CFAP299: variants seen among roughly 807,000 people sequenced by gnomAD.
The protein encoded by CFAP299 is cilia and flagella associated protein 299, also known as cilia- and flagella-associated protein 299.
Under a neutral mutation model 27.0 loss-of-function variants are expected in CFAP299, and 21 were observed. The ratio of observed to expected loss-of-function variants is 0.78; its 90% CI spans 0.55 to 1.12. The LOEUF is 1.12. CFAP299 is among the 50% of genes most tolerant of loss of function. CFAP299 has a pLI of 0.00. For synonymous variants in CFAP299, 104 were observed against 98.1 expected (o/e 1.06, Z -0.36); for missense variants, 310 against 276.6 (o/e 1.12, Z -0.86).
intron 4 of CFAP299, among the ~76,000 whole-genome samples, chr4:80,932,361 G>A (rs1378970383): frequency 6.6e-6 from 1 of 151,840 alleles, no homozygotes; most frequent in Non-Finnish European, 1.5e-5. Context: ...TCATAAATAG[G>A]AGCCAAGTTA....
intron 2 of CFAP299, among the ~76,000 whole-genome samples, chr4:80,479,661 A>G (rs1730456948): frequency 6.6e-6 from 1 of 152,058 alleles, no homozygotes; most frequent in African/African-American, 2.4e-5. Flanking sequence ...TCAAATAATA[A>G]AGAACATTGT....
intron 2 of CFAP299, among the ~76,000 whole-genome samples, chr4:80,390,512 C>CATATATATGTATATATGTATATAT (rs1327268961): frequency 9.5e-4 from 119 of 124,832 alleles, no homozygotes; most frequent in Admixed American, 2.6e-3. Context: ...TATATATACA[C>CATATATATGTATATATGTATATAT]ACATATATGT....
chr4:80,957,511 A>G (rs1326147969), intron 5 of CFAP299, among the ~76,000 whole-genome samples: 1 of 152,224 alleles, frequency 6.6e-6, no homozygotes, highest in Non-Finnish European at 1.5e-5. Context: ...GTAAGGTATT[A>G]CAACTGATTC....
At chr4:80,343,146 C>T (rs1722537831) in intron 1 of CFAP299, among the ~76,000 whole-genome samples, 1 of 152,166 alleles carries the variant, frequency 6.6e-6, no homozygotes, top group Non-Finnish European at 1.5e-5. Context: ...TATATATGCA[C>T]CTAATACAGG....
chr4:80,932,859 C>T (rs1204234929), intron 4 of CFAP299, among the ~76,000 whole-genome samples: 1 of 151,978 alleles, frequency 6.6e-6, no homozygotes, highest in Non-Finnish European at 1.5e-5. Context: ...CTGTCTTTCA[C>T]AATAGCATCC....
intron 3 of CFAP299, among the ~76,000 whole-genome samples, chr4:80,793,259 G>A (rs540027190): frequency 1.3e-5 from 2 of 152,134 alleles, no homozygotes; most frequent in South Asian, 4.2e-4. Flanking sequence ...TCAAGGGCAG[G>A]AAGCATCCAG....
chr4:80,568,435 C>T (rs991301161), intron 2 of CFAP299, among the ~76,000 whole-genome samples: 1 of 151,958 alleles, frequency 6.6e-6, no homozygotes. Context: ...TAAATTTAAT[C>T]AATTTTCTCT....
chr4:80,950,998 A>C (rs913691339), intron 5 of CFAP299, among the ~76,000 whole-genome samples: 7 of 152,214 alleles, frequency 4.6e-5, no homozygotes, highest in African/African-American at 1.7e-4. Flanking sequence ...AAAATTTCTA[A>C]GTATGAAAAT....
intron 2 of CFAP299, among the ~76,000 whole-genome samples, chr4:80,465,146 C>A (rs1729641139): frequency 6.6e-6 from 1 of 151,904 alleles, no homozygotes; most frequent in South Asian, 2.1e-4. Flanking sequence ...AATTACTACC[C>A]TTTTCATTGT....
Position 80,956,598 on chromosome 4 carries a change from C to T in CFAP299, c.607-6919C>T, listed in dbSNP as rs1056048868. Among the ~76,000 whole-genome samples the T allele has an allele frequency of 2.0e-5, 3 of 152,010 alleles. No homozygotes were observed. In the South Asian group the frequency reaches 6.2e-4, roughly 32 times the overall value. On this transcript the variant is annotated intron_variant, in intron 5 of 5. Transcript: ENST00000358105. ...CCTCTGGCGTAGCTGGGACCACAAGCACTAATCACCATGCCTAAGATTTTC... is the reference window on the plus strand; with the variant it reads ...CCTCTGGCGTAGCTGGGACCACAAGTACTAATCACCATGCCTAAGATTTTC...
At chr4:80,488,622 A>T (rs887108600) in intron 2 of CFAP299, among the ~76,000 whole-genome samples, 1 of 152,042 alleles carries the variant, frequency 6.6e-6, no homozygotes. Flanking sequence ...TAAAGGCACC[A>T]GCCACCACAC....
In CFAP299 at chr4:80,885,463, C is replaced by T. The variant is rs550117065; in HGVS notation, c.476+15328C>T. ...GCAGCTCACAGCAACAAAAGTGACT[C>T]CTTCCTCCTGCCCAAGGTCAGGAGA... On this transcript the variant is annotated intron_variant, in intron 4 of 5. Coordinates refer to ENST00000358105, the MANE Select transcript of CFAP299 (RefSeq NM_152770.3). 2.1e-4 allele frequency among the ~76,000 whole-genome samples: 32 copies of T among 152,292 alleles called. No homozygotes were observed. In the Middle Eastern group the frequency reaches 0.01, roughly 49 times the overall value.
At position 80,450,061 on chromosome 4, in the gene CFAP299, A is replaced by G. The variant is rs181113612; in HGVS notation, c.242+87177A>G. 1.6e-3 allele frequency among the ~76,000 whole-genome samples: 239 copies of G among 152,254 alleles called. 1 individual carries two copies. Among genetic ancestry groups the G allele is most frequent in the Non-Finnish European group, 1.1e-3 (72 of 67,992 alleles). ...GTAAGGCAGTGGAGCAAAGTAATCT[A>G]TATTGGCACAATGTTTTTCCAAGCA... is the stretch of plus-strand genomic sequence containing the variant. On this transcript the variant is annotated intron_variant, in intron 2 of 5. Transcript: ENST00000358105.
At chr4:80,510,917 C>G (rs758652546) in intron 2 of CFAP299, among the ~76,000 whole-genome samples, 1 of 152,154 alleles carries the variant, frequency 6.6e-6, no homozygotes, top group East Asian at 1.9e-4. Flanking sequence ...ATATTCAGTA[C>G]TTTATTCTGA....
At chr4:80,379,234 C>CA (rs1303055628) in intron 2 of CFAP299, among the ~76,000 whole-genome samples, 1 of 151,946 alleles carries the variant, frequency 6.6e-6, no homozygotes, top group Non-Finnish European at 1.5e-5. Context: ...TTCTTAATAT[C>CA]ATGTTATCAT....
intron 3 of CFAP299, among the ~76,000 whole-genome samples, chr4:80,694,335 T>C (rs1720953449): frequency 6.6e-6 from 1 of 152,216 alleles, no homozygotes; most frequent in African/African-American, 2.4e-5. Flanking sequence ...CCATGCCACC[T>C]GACTGAGAGT....
chr4:80,458,870 G>A (rs751299072), intron 2 of CFAP299, among the ~76,000 whole-genome samples: 3 of 152,192 alleles, frequency 2.0e-5, no homozygotes, highest in Non-Finnish European at 4.4e-5. Flanking sequence ...ATGGCACTGA[G>A]TAGGCCCTCC....
At chr4:80,503,108 T>C (rs1478697232) in intron 2 of CFAP299, among the ~76,000 whole-genome samples, 2 of 152,126 alleles carry the variant, frequency 1.3e-5, no homozygotes, top group Non-Finnish European at 2.9e-5. Context: ...TTGTCAAACA[T>C]CATTCTAATA....
chr4:80,743,869 C>G (rs1724431034), intron 3 of CFAP299, among the ~76,000 whole-genome samples: 1 of 152,172 alleles, frequency 6.6e-6, no homozygotes, highest in Non-Finnish European at 1.5e-5. Context: ...AAGGTCTTTT[C>G]TGCCTACACA....
Sources: allele counts gnomAD v4.1 joint callset (sites outside exome capture counted in the v4.1 genomes callset), GRCh38; gene constraint gnomAD v4.1.1; transcripts MANE v1.5; gene names NCBI Gene and HGNC (gene_info 2026-07-23, HGNC 2026-07-21).